PKDCC: variants seen among roughly 807,000 people sequenced by gnomAD.
PKDCC encodes protein kinase domain containing, cytoplasmic, also known as extracellular tyrosine-protein kinase PKDCC.
PKDCC carries 35 observed loss-of-function variants against 44.7 expected under a neutral mutation model. The observed-to-expected ratio is 0.78, with a 90% CI of 0.60 to 1.04. The LOEUF (loss-of-function observed/expected upper bound fraction) is 1.04, where lower values mean the gene tolerates loss of function less well. PKDCC is among the 50% of genes least tolerant of loss of function. The pLI, the probability that PKDCC is intolerant of heterozygous loss-of-function variation, is 0.00. For synonymous variants in PKDCC, 353 were observed against 303.3 expected, an observed-to-expected ratio of 1.16 and a Z score of -1.70; for missense variants, 738 against 672.7, an observed-to-expected ratio of 1.10 and a Z score of -1.07.
At position 42,055,400 on chromosome 2, in the gene PKDCC, G is replaced by A; in HGVS notation, c.1222+7G>A. The A allele has an allele frequency of 1.2e-6, 2 of 1,611,474 alleles. No individual in the cohort carries two copies. The highest frequency in any genetic ancestry group is 1.1e-5 in the South Asian group (1 of 90,538). ...ACGGCAAGCAGCAGTACCGGTGAGT[G>A]GCCCCAAGCTGATCCACAGGGAAGC... On this transcript the variant is annotated splice_region_variant and intron_variant, in intron 5 of 6. Coordinates refer to ENST00000294964, the MANE Select transcript of PKDCC (RefSeq NM_138370.3). This position sits in a 1 kb window ranked among gnomAD's most constrained non-coding sequence, Gnocchi z 4.5.
At chr2:42,056,397 A>AT (rs1668058124) in intron 5 of PKDCC, among the ~76,000 whole-genome samples, 1 of 152,106 alleles carries the variant, frequency 6.6e-6, no homozygotes, top group African/African-American at 2.4e-5. Context: ...CTAGCCATGG[A>AT]TTTTTTGCAT....
rs924367276 is a variant in PKDCC, at chr2:42,055,612, G to A, written c.1222+219G>A. ...CAACTATAATTCTGCCTTCAACCTG[G>A]GGTTGGGCACTGATACCCCTACTCT... On this transcript the variant is annotated intron_variant, in intron 5 of 6. Coordinates refer to ENST00000294964, the MANE Select transcript of PKDCC (RefSeq NM_138370.3). This position sits in a 1 kb window ranked among gnomAD's most constrained non-coding sequence, Gnocchi z 4.5. The A allele has an allele frequency of 1.8e-6, 1 of 550,840 alleles. No individual in the cohort carries two copies. Among genetic ancestry groups the A allele is most frequent in the Non-Finnish European group, 3.3e-6 (1 of 306,612 alleles). The allele number at this position is 550,840 out of a possible 1,614,324, so 34.1% of individuals were successfully genotyped here.
intron 6 of PKDCC, 82 bp from the exon 7 acceptor site, chr2:42,057,521 A>G: frequency 6.4e-7 from 1 of 1,559,910 alleles, no homozygotes; most frequent in Non-Finnish European, 8.8e-7. Flanking sequence ...ACGTGTCTTC[A>G]AGGCAGTCAA....
Position 42,056,445 on chromosome 2 carries a change from C to T in PKDCC, c.1223-776C>T, listed in dbSNP as rs184811517. ...GCATGCCTCTTAACTTCAAAAACCCCGACTCCCTTCCATCCCAGGCCCTTC... is the reference window on the plus strand; with the variant it reads ...GCATGCCTCTTAACTTCAAAAACCCTGACTCCCTTCCATCCCAGGCCCTTC... On this transcript the variant is annotated intron_variant, in intron 5 of 6. Transcript: ENST00000294964. Among the ~76,000 whole-genome samples the T allele has an allele frequency of 6.1e-4, 93 of 152,190 alleles. 1 individual carries two copies. In the East Asian group the frequency reaches 0.015, roughly 25 times the overall value.
Position 42,048,390 on chromosome 2 carries a change from A to C in PKDCC, c.191A>C (p.Tyr64Ser), listed in dbSNP as rs1264921818. Reference protein sequence around the residue: ...GELARQIRARYEEVQRYSRGG... With the variant: ...GELARQIRARSEEVQRYSRGG... Reference sequence around the variant, plus strand: ...CTGGCCCGGCAGATCCGGGCGCGCTACGAGGAGGTGCAGCGCTATTCCCGC... The same window carrying C: ...CTGGCCCGGCAGATCCGGGCGCGCTCCGAGGAGGTGCAGCGCTATTCCCGC... Residue 64 changes from tyrosine (Y) to serine (S), a missense_variant, in exon 1 of 7, where the codon TAC (tyrosine) becomes TCC (serine). Physicochemically the swap from Tyr to Ser is moderately radical, Grantham distance 144 (BLOSUM62 -2). Transcript: ENST00000294964. The surrounding 1 kb of genome is among the most constrained non-coding windows in gnomAD (Gnocchi z 6.2). 1.8e-6 allele frequency: 2 copies of C among 1,140,100 alleles called. No homozygotes were observed. Among genetic ancestry groups the C allele is most frequent in the Non-Finnish European group, 2.1e-6 (2 of 933,218 alleles). 70.6% of individuals were successfully genotyped at this position (1,140,100 alleles called of 1,614,324 possible). A position where few individuals can be genotyped will look rare whatever the true frequency, so the allele number is the denominator to read the frequency against.
In PKDCC at chr2:42,048,186, G is replaced by T. The variant is rs960251467; in HGVS notation, c.-14G>T. 3.8e-5 allele frequency: 42 copies of T among 1,115,608 alleles called. No individual in the cohort carries two copies. The highest frequency in any genetic ancestry group is 2.0e-4 in the Admixed American group (4 of 19,778). The allele number at this position is 1,115,608 out of a possible 1,614,324, so 69.1% of individuals were successfully genotyped here. A position where few individuals can be genotyped will look rare whatever the true frequency, so the allele number is the denominator to read the frequency against. ...GGAGCCGCGCGGGGCCGGCCGGCCG[G>T]GGGGAGGGGAGCGATGCGGCGCCGG... On this transcript the variant is annotated 5_prime_UTR_variant, in exon 1 of 7. Coordinates refer to ENST00000294964, the MANE Select transcript of PKDCC (RefSeq NM_138370.3). This position sits in a 1 kb window ranked among gnomAD's most constrained non-coding sequence, Gnocchi z 6.2.
rs1284989252 is a variant in PKDCC at position 42,057,636 on chromosome 2, G to T, written c.1430G>T (p.Ser477Ile). ...CTGGTCTTTTTCAAGACTGGATGGA[G>T]CCAAGTGGTCCCTGATCCCAACAAG... ...RQLVFFKTGW[S>I]QVVPDPNKTT... is the part of the protein sequence containing the mutation. The change falls in exon 7 of 7, where the codon AGC (serine) becomes ATC (isoleucine). Residue 477 changes from serine to isoleucine, a missense_variant. Coordinates refer to ENST00000294964, the MANE Select transcript of PKDCC (RefSeq NM_138370.3). 2 of 1,613,886 alleles carry T rather than the reference G, an allele frequency of 1.2e-6. No homozygotes were observed. Among genetic ancestry groups the T allele is most frequent in the Non-Finnish European group, 1.7e-6 (2 of 1,180,024 alleles).
chr2:42,049,176 T>C (rs113135959), intron 1 of PKDCC, among the ~76,000 whole-genome samples: 6 of 152,252 alleles, frequency 3.9e-5, no homozygotes, highest in South Asian at 2.1e-4. Context: ...ACCAGGGATA[T>C]TACCCCAAGC....
In PKDCC at chr2:42,051,374, TTGGATGGGC is replaced by T. The variant is rs1667965011; in HGVS notation, c.640-1864_640-1856del. On this transcript the variant is annotated intron_variant, in intron 1 of 6. Transcript: ENST00000294964. The surrounding 1 kb of genome is among the most constrained non-coding windows in gnomAD (Gnocchi z 4.2). Reference sequence around the variant, plus strand: ...CCAGTCATCCTGGGGCCCCCAGGCCTTGGATGGGCCCCCAGGCCTGCCTGGGCCCAGATT... The same window carrying T: ...CCAGTCATCCTGGGGCCCCCAGGCCTCCCCAGGCCTGCCTGGGCCCAGATT... Among the ~76,000 whole-genome samples, 2 of 83,294 alleles carry T rather than the reference TTGGATGGGC, an allele frequency of 2.4e-5. No homozygotes were observed. The highest frequency in any genetic ancestry group is 5.1e-5 in the African/African-American group (1 of 19,474). The allele number at this position is 83,294 out of a possible 152,430, so 54.6% of individuals were successfully genotyped here.
Position 42,055,265 on chromosome 2 carries a change from T to G in PKDCC, c.1115-21T>G. The G allele has an allele frequency of 1.2e-6, 2 of 1,604,890 alleles. No homozygotes were observed. Among genetic ancestry groups the G allele is most frequent in the Non-Finnish European group, 1.7e-6 (2 of 1,175,666 alleles). On this transcript the variant is annotated intron_variant, in intron 4 of 6. Transcript: ENST00000294964. This position sits in a 1 kb window ranked among gnomAD's most constrained non-coding sequence, Gnocchi z 4.5. ...AGTGGGAGCCCCAGGCATCCTGTCT[T>G]AGCCACACTGCACTCTGCAGGAGAG... is the stretch of plus-strand genomic sequence containing the variant.
Position 42,048,873 on chromosome 2 carries a change from G to C in PKDCC, c.639+35G>C, listed in dbSNP as rs548840851. On this transcript the variant is annotated intron_variant, in intron 1 of 6. Transcript: ENST00000294964. The surrounding 1 kb of genome is among the most constrained non-coding windows in gnomAD (Gnocchi z 6.2). ...TGGGGACGCGGGGGTAACGGTGTTGGCTGGGAGTGCCCAAGACCTTGTCAA... is the reference window on the plus strand; with the variant it reads ...TGGGGACGCGGGGGTAACGGTGTTGCCTGGGAGTGCCCAAGACCTTGTCAA... 3.7e-5 allele frequency: 53 copies of C among 1,444,910 alleles called. No homozygotes were observed. The African/African-American group carries it at 4.9e-4, about 13-fold the overall frequency. 89.5% of individuals were successfully genotyped at this position (1,444,910 alleles called of 1,614,324 possible).
Position 42,048,794 on chromosome 2 carries a change from G to A in PKDCC, c.595G>A (p.Glu199Lys). The change falls in exon 1 of 7, where the codon GAG becomes AAG. Residue 199 changes from glutamate to lysine, a missense_variant. By Grantham distance (56) the Glu-to-Lys change is moderately conservative. Coordinates refer to ENST00000294964, the MANE Select transcript of PKDCC (RefSeq NM_138370.3). This position sits in a 1 kb window ranked among gnomAD's most constrained non-coding sequence, Gnocchi z 6.2. ...YRLAAHKLLK[E>K]MVLLERLRHP... is the part of the protein sequence containing the mutation. ...GCTGGCGGCCCACAAGCTGCTTAAG[G>A]AGATGGTGCTGCTGGAGCGGCTGCG... The A allele has an allele frequency of 1.3e-6, 2 of 1,498,652 alleles. No individual in the cohort carries two copies. Among genetic ancestry groups the A allele is most frequent in the Admixed American group, 1.9e-5 (1 of 52,462 alleles). The allele number at this position is 1,498,652 out of a possible 1,614,324, so 92.8% of individuals were successfully genotyped here.
Position 42,055,297 on chromosome 2 carries a change from T to G in PKDCC, c.1126T>G (p.Trp376Gly). 14 of 1,613,028 alleles carry G rather than the reference T, an allele frequency of 8.7e-6. No individual in the cohort carries two copies. The highest frequency in any genetic ancestry group is 1.2e-5 in the Non-Finnish European group (14 of 1,179,856). ...SIVNATGELA[W>G]GVDETLAQLE... ...ACTGCACTCTGCAGGAGAGCTCGCC[T>G]GGGGGGTGGACGAGACCCTGGCCCA... The change falls in exon 5 of 7, where the codon TGG (tryptophan) becomes GGG (glycine). Residue 376 changes from tryptophan (W) to glycine (G), a missense_variant. Coordinates refer to ENST00000294964, the MANE Select transcript of PKDCC (RefSeq NM_138370.3). The surrounding 1 kb of genome is among the most constrained non-coding windows in gnomAD (Gnocchi z 4.5).
chr2:42,054,230 G>C lies in PKDCC; in HGVS notation c.957G>C (p.Arg319Ser). ...ACTGCATACTCGAGTTTCCGGCCAGGAACTTCACCCTGCCCTGCTCAGCCC... is the reference window on the plus strand; with the variant it reads ...ACTGCATACTCGAGTTTCCGGCCAGCAACTTCACCCTGCCCTGCTCAGCCC... ...STDCILEFPARNFTLPCSAQG... is the reference protein window; with the variant it reads ...STDCILEFPASNFTLPCSAQG... Residue 319 changes from arginine (R) to serine (S), a missense_variant, in exon 3 of 7, where the codon AGG (arginine) becomes AGC (serine). Arg to Ser is a moderately radical substitution (Grantham distance 110, BLOSUM62 -1). Transcript: ENST00000294964. The surrounding 1 kb of genome is among the most constrained non-coding windows in gnomAD (Gnocchi z 6.1). 6.2e-7 allele frequency: 1 copy of C among 1,604,218 alleles called. No individual in the cohort carries two copies. The highest frequency in any genetic ancestry group is 8.5e-7 in the Non-Finnish European group (1 of 1,175,062).
rs1445174364 is a variant in PKDCC at position 42,048,314 on chromosome 2, C to G, written c.115C>G (p.Pro39Ala). 8.3e-7 allele frequency: 1 copy of G among 1,203,640 alleles called. No individual in the cohort carries two copies. Among genetic ancestry groups the G allele is most frequent in the Non-Finnish European group, 1.0e-6 (1 of 968,462 alleles). 74.6% of individuals were successfully genotyped at this position (1,203,640 alleles called of 1,614,324 possible). Reference protein sequence around the residue: ...GSEPPRPGQSPEPSPAPGPGR... With the variant: ...GSEPPRPGQSAEPSPAPGPGR... ...GGAGCCTCCGAGGCCAGGCCAGTCC[C>G]CTGAGCCTTCGCCGGCCCCGGGTCC... The change falls in exon 1 of 7, where the codon CCT (proline) becomes GCT (alanine). Residue 39 changes from proline to alanine, a missense_variant. Transcript: ENST00000294964. The surrounding 1 kb of genome is among the most constrained non-coding windows in gnomAD (Gnocchi z 6.2).
Position 42,055,298 on chromosome 2 carries a change from G to C in PKDCC, c.1127G>C (p.Trp376Ser), listed in dbSNP as rs369267445. ...CTGCACTCTGCAGGAGAGCTCGCCT[G>C]GGGGGTGGACGAGACCCTGGCCCAG... Reference protein sequence around the residue: ...SIVNATGELAWGVDETLAQLE... With the variant: ...SIVNATGELASGVDETLAQLE... The change falls in exon 5 of 7, where the codon TGG (tryptophan) becomes TCG (serine). Residue 376 changes from tryptophan to serine, a missense_variant. Physicochemically the swap from Trp to Ser is radical, Grantham distance 177. Transcript: ENST00000294964. This position sits in a 1 kb window ranked among gnomAD's most constrained non-coding sequence, Gnocchi z 4.5. 3.5e-5 allele frequency: 57 copies of C among 1,612,810 alleles called. 1 individual carries two copies. Among genetic ancestry groups the C allele is most frequent in the African/African-American group, 2.3e-4 (17 of 75,012 alleles).
intron 6 of PKDCC, 25 bp downstream of exon 6, chr2:42,057,419 C>T (rs200236028): frequency 1.2e-6 from 2 of 1,613,570 alleles, no homozygotes; most frequent in Non-Finnish European, 1.7e-6. Context: ...GAAGCCCTTC[C>T]AAGGGAGATG....
rs1667895927 is a variant in PKDCC at position 42,048,209 on chromosome 2, C to T, written c.10C>T (p.Arg4Trp). The change falls in exon 1 of 7, where the codon CGG becomes TGG. Residue 4 changes from arginine (R) to tryptophan (W), a missense_variant. Arg to Trp is a moderately radical substitution (Grantham distance 101). Transcript: ENST00000294964. The surrounding 1 kb of genome is among the most constrained non-coding windows in gnomAD (Gnocchi z 6.2). MRR[R>W]RAAVAAGFCA... ...CGGGGGGAGGGGAGCGATGCGGCGCCGGCGGGCGGCAGTGGCCGCGGGTTT... is the reference window on the plus strand; with the variant it reads ...CGGGGGGAGGGGAGCGATGCGGCGCTGGCGGGCGGCAGTGGCCGCGGGTTT... The T allele has an allele frequency of 1.7e-6, 2 of 1,189,270 alleles. No individual in the cohort carries two copies. The highest frequency in any genetic ancestry group is 1.7e-5 in the African/African-American group (1 of 60,588). 73.7% of individuals were successfully genotyped at this position (1,189,270 alleles called of 1,614,324 possible).
intron 6 of PKDCC, 81 bp downstream of exon 6, chr2:42,057,475 G>T: frequency 6.3e-7 from 1 of 1,579,178 alleles, no homozygotes; most frequent in Non-Finnish European, 8.7e-7. Context: ...CCCATCGGAA[G>T]TCAGAGGGGG....
Sources: allele counts gnomAD v4.1 joint callset (sites outside exome capture counted in the v4.1 genomes callset), GRCh38; gene constraint gnomAD v4.1.1; non-coding constraint Gnocchi (gnomAD v3.1); transcripts MANE v1.5; gene names NCBI Gene and HGNC (gene_info 2026-07-23, HGNC 2026-07-21).